NPAS3: variants seen among roughly 807,000 people sequenced by gnomAD.
NPAS3 encodes neuronal PAS domain-containing protein 3.
Under a neutral mutation model 73.1 loss-of-function variants are expected in NPAS3, and 14 were observed. That is an observed-to-expected ratio of 0.19 (90% confidence interval 0.13 to 0.30). NPAS3 has a LOEUF of 0.30. Among genes scored for constraint, NPAS3 ranks in the 10% least tolerant of loss-of-function variants. NPAS3 has a pLI of 1.00. For missense variants in NPAS3, 1,096 were observed against 1,250.0 expected (o/e 0.88, Z 1.86); for synonymous variants, 620 against 541.5 (o/e 1.14, Z -2.01).
chr14:33,028,664 C>T (rs933308280), intron 1 of NPAS3, among the ~76,000 whole-genome samples: 2 of 152,000 alleles, frequency 1.3e-5, no homozygotes, highest in African/African-American at 4.8e-5. Flanking sequence ...GTCATGTATA[C>T]CTGGCCTGGA....
Position 33,365,105 on chromosome 14 carries a change from G to A in NPAS3, c.386-2081G>A, listed in dbSNP as rs2045778623. On this transcript the variant is annotated intron_variant, in intron 3 of 11. Transcript: ENST00000356141. Reference sequence around the variant, plus strand: ...ATGAGCTATTAATAAGGAGCTTTCTGAATCCTAATTACTGTCTCAAAAACA... The same window carrying A: ...ATGAGCTATTAATAAGGAGCTTTCTAAATCCTAATTACTGTCTCAAAAACA... 2.1e-5 allele frequency among the ~76,000 whole-genome samples: 3 copies of A among 141,800 alleles called. No homozygotes were observed. The South Asian group carries it at 6.7e-4, about 32-fold the overall frequency. 93.0% of individuals were successfully genotyped at this position (141,800 alleles called of 152,430 possible). A position where few individuals can be genotyped will look rare whatever the true frequency, so the allele number is the denominator to read the frequency against.
chr14:33,211,588 G>A (rs549347394), intron 2 of NPAS3, among the ~76,000 whole-genome samples: 2 of 152,202 alleles, frequency 1.3e-5, no homozygotes, highest in South Asian at 2.1e-4. Context: ...TAGATTATTA[G>A]CCTTTAGGTT....
intron 4 of NPAS3, among the ~76,000 whole-genome samples, chr14:33,424,467 G>A (rs754427475): frequency 2.0e-5 from 3 of 151,908 alleles, no homozygotes; most frequent in Non-Finnish European, 4.4e-5. Flanking sequence ...ATTAGATGGG[G>A]GCAAGCCTGG....
intron 3 of NPAS3, among the ~76,000 whole-genome samples, chr14:33,242,402 A>G (rs937596094): frequency 1.3e-5 from 2 of 151,994 alleles, no homozygotes; most frequent in African/African-American, 4.8e-5. Context: ...AAAGTGGTAC[A>G]TAAGTAAGTG....
At chr14:33,756,879 G>T (rs558747028) in intron 7 of NPAS3, among the ~76,000 whole-genome samples, 1 of 152,180 alleles carries the variant, frequency 6.6e-6, no homozygotes, top group Non-Finnish European at 1.5e-5. Context: ...GTGCTGATTG[G>T]GTAGCCGAGA....
rs115695945 is a variant in NPAS3 at position 33,630,289 on chromosome 14, G to C, written c.559-45922G>C. ...TGTGGAAAAGCTCTGTCTCCTTGAT[G>C]ATGAGTAAAGGAAGAAAAAAGAGAA... is the stretch of plus-strand genomic sequence containing the variant. On this transcript the variant is annotated intron_variant, in intron 5 of 11. Coordinates refer to ENST00000356141, the Ensembl canonical transcript of NPAS3. Among the ~76,000 whole-genome samples, 849 of 152,308 alleles carry C rather than the reference G, an allele frequency of 5.6e-3. 10 individuals carry two copies. Among genetic ancestry groups the C allele is most frequent in the African/African-American group, 0.018 (758 of 41,584 alleles).
chr14:33,260,331 T>G (rs938088245), intron 3 of NPAS3, among the ~76,000 whole-genome samples: 1 of 151,928 alleles, frequency 6.6e-6, no homozygotes, highest in Non-Finnish European at 1.5e-5. Context: ...TGGTCAACTT[T>G]TTCTTCTTTG....
intron 2 of NPAS3, among the ~76,000 whole-genome samples, chr14:33,072,970 A>T (rs2041537900): frequency 6.6e-6 from 1 of 152,148 alleles, no homozygotes; most frequent in Non-Finnish European, 1.5e-5. Flanking sequence ...ACTTAAAAAA[A>T]ATTTTTTTAC....
At chr14:33,141,931 G>A (rs2044062408) in intron 2 of NPAS3, among the ~76,000 whole-genome samples, 1 of 152,180 alleles carries the variant, frequency 6.6e-6, no homozygotes. Flanking sequence ...GTCAACACCA[G>A]TGGAATTTTT....
Position 33,240,080 on chromosome 14 carries a change from A to G in NPAS3, c.385+24654A>G, listed in dbSNP as rs368537984. 2.1e-3 allele frequency among the ~76,000 whole-genome samples: 315 copies of G among 152,024 alleles called. 9 individuals carry two copies. The South Asian group carries it at 0.061, about 30-fold the overall frequency. ...AAAATGTGCTTTACATCAGTTGCAC[A>G]ATGTAATTCTTTCTATTATGTTGGT... On this transcript the variant is annotated intron_variant, in intron 3 of 11. Coordinates refer to ENST00000356141, the Ensembl canonical transcript of NPAS3.
intron 3 of NPAS3, among the ~76,000 whole-genome samples, chr14:33,322,894 AC>A (rs1217297444): frequency 2.0e-5 from 3 of 152,106 alleles, no homozygotes; most frequent in Non-Finnish European, 2.9e-5. Context: ...TGTATATCTG[AC>A]CCTCTTGATA....
At chr14:33,182,283 C>T (rs1021438370) in intron 2 of NPAS3, among the ~76,000 whole-genome samples, 3 of 151,986 alleles carry the variant, frequency 2.0e-5, no homozygotes, top group Non-Finnish European at 4.4e-5. Flanking sequence ...TCTGGATGTT[C>T]AACAAACATA....
At chr14:33,350,659 G>A (rs143011300) in intron 3 of NPAS3, among the ~76,000 whole-genome samples, 31 of 152,324 alleles carry the variant, frequency 2.0e-4, no homozygotes, top group African/African-American at 7.2e-4. Context: ...AAACGGATTC[G>A]TGATACCTGA....
intron 2 of NPAS3, among the ~76,000 whole-genome samples, chr14:33,184,655 G>A (rs562344540): frequency 2.0e-4 from 30 of 152,270 alleles, no homozygotes; most frequent in Admixed American, 1.4e-3. Context: ...TAGTAGCACA[G>A]ATGGAAAGAA....
intron 1 of NPAS3, among the ~76,000 whole-genome samples, chr14:33,009,140 C>T (rs1266272183): frequency 2.0e-5 from 3 of 151,948 alleles, no homozygotes; most frequent in Admixed American, 1.3e-4. Context: ...TCTTGAGGGC[C>T]GACTATGGGC....
At chr14:33,399,811 G>A (rs1054695252) in intron 4 of NPAS3, among the ~76,000 whole-genome samples, 1 of 152,018 alleles carries the variant, frequency 6.6e-6, no homozygotes, top group African/African-American at 2.4e-5. Context: ...GACAATATGA[G>A]TAGTGTTTAA....
intron 1 of NPAS3, among the ~76,000 whole-genome samples, chr14:32,941,578 G>C (rs2036017801): frequency 6.6e-6 from 1 of 151,698 alleles, no homozygotes; most frequent in South Asian, 2.1e-4. Flanking sequence ...TTGTTATTCT[G>C]CTCCACTTGA....
chr14:33,228,544 A>G (rs919951539), intron 3 of NPAS3, among the ~76,000 whole-genome samples: 1 of 152,090 alleles, frequency 6.6e-6, no homozygotes, highest in African/African-American at 2.4e-5. Context: ...TAAGATATCA[A>G]TTTTTTGTTG....
chr14:33,570,517 A>C (rs559097343), intron 5 of NPAS3, among the ~76,000 whole-genome samples: 4 of 152,206 alleles, frequency 2.6e-5, no homozygotes, highest in Non-Finnish European at 5.9e-5. Flanking sequence ...TAATAAAAAA[A>C]CCCATAATTT....
Sources: allele counts gnomAD v4.1 joint callset (sites outside exome capture counted in the v4.1 genomes callset), GRCh38; gene constraint gnomAD v4.1.1; transcripts MANE v1.5; gene names NCBI Gene and HGNC (gene_info 2026-07-23, HGNC 2026-07-21).